RASGRP1: variants seen among roughly 807,000 people sequenced by gnomAD.
RASGRP1 encodes RAS guanyl releasing protein 1, also known as RAS guanyl-releasing protein 1.
Under a neutral mutation model 95.1 loss-of-function variants are expected in RASGRP1, and 37 were observed. That is an observed-to-expected ratio of 0.39 (90% CI 0.30 to 0.51). RASGRP1 has a LOEUF of 0.51. Ranked by LOEUF, RASGRP1 falls within the 20% of genes least tolerant of loss-of-function variation. The pLI is 0.80. For synonymous variants in RASGRP1, 325 were observed against 353.4 expected (o/e 0.92, Z 0.90); for missense variants, 711 against 965.4 (o/e 0.74, Z 3.49).
At position 38,564,803 on chromosome 15, in the gene RASGRP1, T is replaced by G; in HGVS notation, c.-175A>C. 1 of 376,136 alleles carries G rather than the reference T, an allele frequency of 2.7e-6. No individual in the cohort carries two copies. Among genetic ancestry groups the G allele is most frequent in the Non-Finnish European group, 4.1e-6 (1 of 246,734 alleles). The allele number at this position is 376,136 out of a possible 1,614,324, so 23.3% of individuals were successfully genotyped here. ...CCGAGGTGCACCGCAGGCACAAACT[T>G]TGTGCGAGCGCGCCCCCTCTGCCTC... On this transcript the variant is annotated 5_prime_UTR_variant, in exon 1 of 17. Transcript: ENST00000310803.
intron 3 of RASGRP1, among the ~76,000 whole-genome samples, chr15:38,522,168 A>G (rs1342950175): frequency 6.6e-6 from 1 of 152,238 alleles, no homozygotes; most frequent in Non-Finnish European, 1.5e-5. Context: ...TGAAAGACAG[A>G]GTCTAGCGGG....
At chr15:38,500,991 A>G (rs1890995917) in intron 13 of RASGRP1, among the ~76,000 whole-genome samples, 152 bp downstream of exon 13, 1 of 152,180 alleles carries the variant, frequency 6.6e-6, no homozygotes, top group Non-Finnish European at 1.5e-5. Flanking sequence ...AGTGCAGGTA[A>G]AAACCACACG....
intron 9 of RASGRP1, among the ~76,000 whole-genome samples, chr15:38,507,149 C>T (rs1891291628): frequency 6.6e-6 from 1 of 152,176 alleles, no homozygotes; most frequent in Admixed American, 6.5e-5. Context: ...TGTCCATAGT[C>T]ACACAGCTGG....
intron 10 of RASGRP1, chr15:38,504,220 T>C (rs1891159587): frequency 6.6e-6 from 1 of 152,166 alleles, no homozygotes; most frequent in Admixed American, 6.5e-5. Flanking sequence ...TATACTCCTA[T>C]ATACTTTATA....
Position 38,511,637 on chromosome 15 carries a change from C to T in RASGRP1, c.933G>A (p.Glu311=). The change falls in exon 8 of 17, where the codon GAG becomes GAA. Residue 311 remains glutamate (E), a synonymous_variant. Coordinates refer to ENST00000310803, the MANE Select transcript of RASGRP1 (RefSeq NM_005739.4). ...LCHSSISRLK[E]TSSHVPHEIN... The stretch of plus-strand genomic sequence containing the variant: ...TTTCATGTGGGACATGCGAACTTGT[C>T]TCCTTGAGCCTCGAGATTGAGCTGT... 6.2e-7 allele frequency: 1 copy of T among 1,613,582 alleles called. No homozygotes were observed. The highest frequency in any genetic ancestry group is 1.1e-5 in the South Asian group (1 of 91,078).
chr15:38,529,257 T>C (rs1400779375), intron 2 of RASGRP1, among the ~76,000 whole-genome samples: 2 of 152,174 alleles, frequency 1.3e-5, no homozygotes, highest in East Asian at 3.9e-4. Flanking sequence ...CTTAGTACAC[T>C]TCAGTGGATT....
chr15:38,523,908 T>C (rs571267937), intron 3 of RASGRP1, among the ~76,000 whole-genome samples: 1 of 152,302 alleles, frequency 6.6e-6, no homozygotes, highest in African/African-American at 2.4e-5. Context: ...CTCTATGGTG[T>C]TCACACAATG....
intron 16 of RASGRP1, among the ~76,000 whole-genome samples, chr15:38,492,613 G>C (rs1890632187): frequency 1.3e-5 from 2 of 152,150 alleles, no homozygotes; most frequent in South Asian, 4.1e-4. Context: ...GAATAGTAGT[G>C]TTGATATTAA....
chr15:38,537,736 G>A (rs551994764), intron 2 of RASGRP1, among the ~76,000 whole-genome samples: 14 of 152,238 alleles, frequency 9.2e-5, no homozygotes, highest in Admixed American at 7.8e-4. Flanking sequence ...GATTTGGGCA[G>A]GAACAACATC....
intron 2 of RASGRP1, among the ~76,000 whole-genome samples, chr15:38,554,323 T>C (rs1445885126): frequency 6.6e-6 from 1 of 152,114 alleles, no homozygotes; most frequent in African/African-American, 2.4e-5. Context: ...GAGGATTAAT[T>C]GGGTCAAGTT....
At chr15:38,553,484 G>A (rs922359888) in intron 2 of RASGRP1, among the ~76,000 whole-genome samples, 6 of 152,154 alleles carry the variant, frequency 3.9e-5, no homozygotes, top group Non-Finnish European at 8.8e-5. Context: ...GTACTCAGGA[G>A]AAGCACTCCC....
Position 38,488,477 on chromosome 15 carries a change from C to G in RASGRP1, c.*2077G>C, listed in dbSNP as rs1890441963. On this transcript the variant is annotated 3_prime_UTR_variant, in exon 17 of 17. Transcript: ENST00000310803. ...TACTATTAACTTGTATACTATACCT[C>G]TTTGGCCCTTGCTGGACTGTAAAAA... 1 of 151,298 alleles carries G rather than the reference C, an allele frequency of 6.6e-6. No individual in the cohort carries two copies. The allele number at this position is 151,298 out of a possible 1,614,324, so 9.4% of individuals were successfully genotyped here. A position where few individuals can be genotyped will look rare whatever the true frequency, so the allele number is the denominator to read the frequency against.
intron 6 of RASGRP1, among the ~76,000 whole-genome samples, chr15:38,514,213 A>C (rs1175934224): frequency 6.6e-6 from 1 of 152,102 alleles, no homozygotes; most frequent in Admixed American, 6.5e-5. Flanking sequence ...AATAGCTGCA[A>C]ATTAACTGAG....
intron 2 of RASGRP1, among the ~76,000 whole-genome samples, chr15:38,537,810 C>A (rs182974772): frequency 1.3e-5 from 2 of 152,194 alleles, no homozygotes; most frequent in Admixed American, 1.3e-4. Flanking sequence ...ACTCCCCCAA[C>A]GCCAGAACCC....
Position 38,501,147 on chromosome 15 carries a change from C to T in RASGRP1, c.1679G>A (p.Gly560Glu), listed in dbSNP as rs951327072. Residue 560 changes from glycine to glutamate, a missense_variant, in exon 13 of 17, where the codon GGA becomes GAA. Gly to Glu is a moderately conservative substitution (Grantham distance 98). Coordinates refer to ENST00000310803, the MANE Select transcript of RASGRP1 (RefSeq NM_005739.4). The stretch of plus-strand genomic sequence containing the variant: ...AGCACCCTAAGAACAACTTACAAAT[C>T]CAGCACAGTTGTCACAAAAAGTGGG... ...LKPTFCDNCA[G>E]FLWGVIKQGY... The T allele has an allele frequency of 1.3e-6, 2 of 1,599,182 alleles. No individual in the cohort carries two copies. Among genetic ancestry groups the T allele is most frequent in the African/African-American group, 2.7e-5 (2 of 74,272 alleles).
rs75588434 is a variant in RASGRP1 at position 38,516,818 on chromosome 15, A to T, written c.522-468T>A. ...AGAGAGCTCAAAGAACCACAGCAAG[A>T]TGTCATAAAGGGAGGGAATCACGCG... On this transcript the variant is annotated intron_variant, in intron 5 of 16. Transcript: ENST00000310803. 2.7e-3 allele frequency among the ~76,000 whole-genome samples: 418 copies of T among 152,206 alleles called. 2 individuals are homozygous for T. Among genetic ancestry groups the T allele is most frequent in the African/African-American group, 9.8e-3 (405 of 41,524 alleles).
chr15:38,501,439 C>T, intron 12 of RASGRP1, 152 bp from the exon 13 acceptor site: 2 of 884,988 alleles, frequency 2.3e-6, no homozygotes, highest in Non-Finnish European at 1.8e-6. Context: ...ATGGGCCCTA[C>T]TCTTAACAAG....
intron 2 of RASGRP1, among the ~76,000 whole-genome samples, chr15:38,533,681 C>G (rs535234704): frequency 6.6e-6 from 1 of 152,162 alleles, no homozygotes; most frequent in Admixed American, 6.5e-5. Context: ...TAGTCCCCAG[C>G]CCCTCAAGAC....
intron 1 of RASGRP1, 128 bp from the exon 2 acceptor site, chr15:38,560,133 TC>T: frequency 2.4e-6 from 2 of 848,108 alleles, no homozygotes; most frequent in Admixed American, 2.2e-5. Flanking sequence ...GCCATACCCC[TC>T]CCACTTGGCA....
Sources: gnomAD v4.1 joint callset for allele counts (sites outside exome capture counted in the v4.1 genomes callset) on GRCh38, gnomAD v4.1.1 for gene constraint, MANE v1.5 for transcripts, NCBI Gene and HGNC (gene_info 2026-07-23, HGNC 2026-07-21) for gene names.